TF: variants seen among roughly 807,000 people sequenced by gnomAD.
The protein encoded by TF is serotransferrin.
In TF, 55 loss-of-function variants were observed where a neutral mutation model predicts 82.4. The ratio of observed to expected loss-of-function variants is 0.67; its 90% CI spans 0.54 to 0.84. TF has a LOEUF of 0.84. Among genes scored for constraint, TF ranks in the 40% least tolerant of loss-of-function variants. The pLI is 0.00. For synonymous variants in TF, 332 were observed against 332.6 expected (o/e 1.00, Z 0.02); for missense variants, 737 against 868.4 (o/e 0.85, Z 1.90).
the TF span, chr3:133,704,228 G>T: frequency 4.4e-6 from 1 of 225,446 alleles, no homozygotes; most frequent in South Asian, 7.8e-5. Context: ...CTTCAGAAAG[G>T]GGAAGCTGAT....
chr3:133,700,775 G>A, the TF span: 1 of 152,702 alleles, frequency 6.5e-6, no homozygotes, highest in Admixed American at 6.5e-5. Context: ...TTCACCCTCA[G>A]ACACTCATAT....
chr3:133,759,268 G>T lies in TF; in HGVS notation c.1142G>T (p.Ser381Ile), dbSNP rs142766964. 6.2e-7 allele frequency: 1 copy of T among 1,614,116 alleles called. No individual in the cohort carries two copies. Among genetic ancestry groups the T allele is most frequent in the Non-Finnish European group, 8.5e-7 (1 of 1,180,028 alleles). The change falls in exon 9 of 17, where the codon AGT (serine) becomes ATT (isoleucine). Residue 381 changes from serine (S) to isoleucine (I), a missense_variant. Transcript: ENST00000402696. ...AAGTGTGATGAGTGGAGTGTTAACA[G>T]TGTAGGGAAAATAGAGTGTGTATCA... ...RLKCDEWSVNSVGKIECVSAE... is the reference protein window; with the variant it reads ...RLKCDEWSVNIVGKIECVSAE...
chr3:133,729,240 G>C, the TF span, among the ~76,000 whole-genome samples: 1 of 152,216 alleles, frequency 6.6e-6, no homozygotes, highest in African/African-American at 2.4e-5. Context: ...CTTTTTGTTT[G>C]TCTGTGCCCT....
Position 133,746,452 on chromosome 3 carries a change from C to A in TF, c.12C>A (p.Ala4=). The A allele has an allele frequency of 1.9e-6, 3 of 1,600,640 alleles. No individual in the cohort carries two copies. Among genetic ancestry groups the A allele is most frequent in the East Asian group, 4.5e-5 (2 of 44,326 alleles). ...GCCGCACCCGGAAGATGAGGCTCGC[C>A]GTGGGAGCCCTGCTGGTCTGCGCCG... The part of the protein sequence containing the change: MRL[A]VGALLVCAVL... The change falls in exon 1 of 17, where the codon GCC becomes GCA. Residue 4 remains alanine (A), a synonymous_variant. Coordinates refer to ENST00000402696, the MANE Select transcript of TF (RefSeq NM_001063.4).
At chr3:133,726,908 G>C in the TF span, among the ~76,000 whole-genome samples, 1 of 151,926 alleles carries the variant, frequency 6.6e-6, no homozygotes, top group Non-Finnish European at 1.5e-5. Flanking sequence ...CCTTCATTTT[G>C]TTATGTACCC....
chr3:133,733,484 G>A, the TF span, among the ~76,000 whole-genome samples: 3 of 152,216 alleles, frequency 2.0e-5, no homozygotes, highest in Non-Finnish European at 1.5e-5. Context: ...ACACATGAGA[G>A]TTCCCAGAGT....
chr3:133,762,186 A>G (rs1463905731), intron 9 of TF: 1 of 215,930 alleles, frequency 4.6e-6, no homozygotes, highest in East Asian at 1.1e-4. Context: ...AGTAGAGCCA[A>G]CTCTGAAGAA....
At chr3:133,687,089 G>A in the TF span, among the ~76,000 whole-genome samples, 5,442 of 152,176 alleles carry the variant, frequency 0.036, 357 homozygotes, top group African/African-American at 0.12. Context: ...GCAAACTATC[G>A]CAAGGACGGA....
chr3:133,756,201 TG>T (rs1415805562), intron 5 of TF, 80 bp from the exon 6 acceptor site: 2 of 1,403,266 alleles, frequency 1.4e-6, no homozygotes, highest in Non-Finnish European at 2.0e-6. Flanking sequence ...GTGTGAGTGC[TG>T]GACAGTGTGA....
the TF span, among the ~76,000 whole-genome samples, chr3:133,738,970 T>G: frequency 1.5e-4 from 23 of 152,184 alleles, no homozygotes; most frequent in African/African-American, 5.3e-4. Context: ...CTACTTTAAA[T>G]TTCATATGGA....
rs774658921 is a variant in TF, at chr3:133,746,446, G to A, written c.6G>A (p.Arg2=). 1.9e-6 allele frequency: 3 copies of A among 1,600,466 alleles called. No homozygotes were observed. The highest frequency in any genetic ancestry group is 4.5e-5 in the East Asian group (2 of 44,322). The part of the protein sequence containing the change: M[R]LAVGALLVCA... ...CTCAGCGCCGCACCCGGAAGATGAG[G>A]CTCGCCGTGGGAGCCCTGCTGGTCT... The change falls in exon 1 of 17, where the codon AGG becomes AGA. Residue 2 remains arginine, a synonymous_variant. Transcript: ENST00000402696.
At chr3:133,755,587 G>T in intron 5 of TF, 92 bp downstream of exon 5, 1 of 1,569,310 alleles carries the variant, frequency 6.4e-7, no homozygotes. Flanking sequence ...AGCCCTGCCT[G>T]CCTACAGGGG....
chr3:133,719,487 A>G, the TF span, among the ~76,000 whole-genome samples: 1 of 152,102 alleles, frequency 6.6e-6, no homozygotes, highest in Non-Finnish European at 1.5e-5. Flanking sequence ...TGAGGCTCAA[A>G]GTGTGTTCCT....
chr3:133,740,927 T>A, the TF span, among the ~76,000 whole-genome samples: 36 of 110,118 alleles, frequency 3.3e-4, no homozygotes, highest in South Asian at 2.8e-3. Context: ...TTTTTTTTTT[T>A]AATTTGAGTA....
Position 133,796,346 on chromosome 3 carries a change from G to A in TF, c.*17726G>A, listed in dbSNP as rs1934971406. ...CCCTCCACCTCCCATAAAGATTTATGGGGATCCCATCTCTGGAGGGAAATG... is the reference window on the plus strand; with the variant it reads ...CCCTCCACCTCCCATAAAGATTTATAGGGATCCCATCTCTGGAGGGAAATG... On this transcript the variant is annotated 3_prime_UTR_variant, in exon 17 of 17. Coordinates refer to ENST00000402696, the MANE Select transcript of TF (RefSeq NM_001063.4). The A allele has an allele frequency of 1.3e-5, 2 of 152,266 alleles. No individual in the cohort carries two copies. Among genetic ancestry groups the A allele is most frequent in the South Asian group, 2.1e-4 (1 of 4,822 alleles). 9.4% of individuals were successfully genotyped at this position (152,266 alleles called of 1,614,324 possible).
the TF span, among the ~76,000 whole-genome samples, chr3:133,736,968 C>T: frequency 6.6e-6 from 1 of 152,110 alleles, no homozygotes; most frequent in African/African-American, 2.4e-5. Flanking sequence ...ACCAAGCGGA[C>T]CTAATAGACA....
chr3:133,690,202 A>G, the TF span, among the ~76,000 whole-genome samples: 1 of 151,990 alleles, frequency 6.6e-6, no homozygotes, highest in Non-Finnish European at 1.5e-5. Context: ...AAGCATGCCA[A>G]AAAAAAATCA....
chr3:133,727,147 G>C, the TF span, among the ~76,000 whole-genome samples: 5 of 152,218 alleles, frequency 3.3e-5, no homozygotes, highest in Non-Finnish European at 5.9e-5. Flanking sequence ...TTGGGGTGGA[G>C]AGTTCTGTAG....
chr3:133,716,815 C>T, the TF span, among the ~76,000 whole-genome samples: 1 of 152,342 alleles, frequency 6.6e-6, no homozygotes, highest in South Asian at 2.1e-4. Context: ...TTTGCAACCT[C>T]ATCTACTTCT....
Sources: allele counts gnomAD v4.1 joint callset (sites outside exome capture counted in the v4.1 genomes callset), GRCh38; gene constraint gnomAD v4.1.1; transcripts MANE v1.5; gene names NCBI Gene and HGNC (gene_info 2026-07-23, HGNC 2026-07-21).